The following MLLT11 variants were observed in gnomAD, a reference collection of about 807,000 sequenced individuals.
The protein encoded by MLLT11 is MLLT11 transcription factor 7 cofactor, also known as protein AF1q.
In MLLT11, 1 loss-of-function variant was observed where a neutral mutation model predicts 5.3. The observed-to-expected ratio is 0.19, with a 90% CI of 0.07 to 0.89. The LOEUF (loss-of-function observed/expected upper bound fraction) is 0.89, where lower values mean the gene tolerates loss of function less well. Among genes scored for constraint, MLLT11 ranks in the 40% least tolerant of loss-of-function variants. MLLT11 has a pLI of 0.67. For synonymous variants in MLLT11, 38 were observed against 41.7 expected (o/e 0.91, Z 0.34); for missense variants, 87 against 107.3 (o/e 0.81, Z 0.83).
In MLLT11 at chr1:151,067,801, T is replaced by C. The variant is rs1463825828; in HGVS notation, c.*304T>C. ...TGACTGGGGACACCTGAGAGTAGTA[T>C]AGTAGTGCAAAATGGAAGACTGATT... On this transcript the variant is annotated 3_prime_UTR_variant, in exon 2 of 2. Transcript: ENST00000368921. The C allele has an allele frequency of 3.4e-5, 13 of 386,544 alleles. No individual in the cohort carries two copies. Among genetic ancestry groups the C allele is most frequent in the Middle Eastern group, 7.2e-4 (1 of 1,388 alleles). 23.9% of individuals were successfully genotyped at this position (386,544 alleles called of 1,614,324 possible).
chr1:151,062,487 C>T (rs1481471787), intron 1 of MLLT11, among the ~76,000 whole-genome samples: 6 of 151,836 alleles, frequency 4.0e-5, no homozygotes, highest in African/African-American at 9.7e-5. Flanking sequence ...CTCAGCCTCC[C>T]GAGTAGCTGG....
At chr1:151,061,310 C>A (rs954004386) in intron 1 of MLLT11, among the ~76,000 whole-genome samples, 7 of 152,148 alleles carry the variant, frequency 4.6e-5, no homozygotes, top group African/African-American at 1.7e-4. Context: ...GTCCTTCCCC[C>A]TTCCCCATGG....
intron 1 of MLLT11, among the ~76,000 whole-genome samples, chr1:151,066,734 C>T (rs1028767157): frequency 2.3e-4 from 35 of 151,964 alleles, no homozygotes; most frequent in African/African-American, 6.5e-4. Context: ...ACCATCCTGG[C>T]TAACATGGTG....
intron 1 of MLLT11, among the ~76,000 whole-genome samples, chr1:151,062,465 C>T (rs587635419): frequency 2.0e-5 from 3 of 151,518 alleles, no homozygotes; most frequent in Non-Finnish European, 4.4e-5. Flanking sequence ...CCAGTTCAAG[C>T]GATTCTCCTG....
Position 151,067,235 on chromosome 1 carries a change from CTG to C in MLLT11, c.14_15del (p.Val5GlufsTer2), listed in dbSNP as rs1558112316. 2 of 1,613,804 alleles carry C rather than the reference CTG, an allele frequency of 1.2e-6. No homozygotes were observed. Among genetic ancestry groups the C allele is most frequent in the Non-Finnish European group, 1.7e-6 (2 of 1,179,824 alleles). On this transcript the variant is annotated frameshift_variant, in exon 2 of 2. Coordinates refer to ENST00000368921, the MANE Select transcript of MLLT11 (RefSeq NM_006818.4). LOFTEE classifies it high-confidence loss of function. ...TCTTTCTAGGAAGCTATGAGGGACC[CTG>C]TGAGTAGCCAGTACAGTTCCTTTCT...
At chr1:151,065,704 C>T (rs1166717189) in intron 1 of MLLT11, among the ~76,000 whole-genome samples, 4 of 152,172 alleles carry the variant, frequency 2.6e-5, no homozygotes, top group African/African-American at 9.7e-5. Context: ...GCAGAAAAGT[C>T]ACGGAAGGTC....
Position 151,067,931 on chromosome 1 carries a change from G to C in MLLT11, c.*434G>C, listed in dbSNP as rs940234265. ...TCTTCAAGGGGTGATGAAAACCTCG[G>C]AAGTTTTAATTTGAGGTTATCTGCT... On this transcript the variant is annotated 3_prime_UTR_variant, in exon 2 of 2. Coordinates refer to ENST00000368921, the MANE Select transcript of MLLT11 (RefSeq NM_006818.4). The C allele has an allele frequency of 7.9e-6, 2 of 251,988 alleles. No homozygotes were observed. The highest frequency in any genetic ancestry group is 4.4e-5 in the African/African-American group (2 of 45,352). 15.6% of individuals were successfully genotyped at this position (251,988 alleles called of 1,614,324 possible).
chr1:151,062,344 T>C (rs1676417505), intron 1 of MLLT11, among the ~76,000 whole-genome samples: 1 of 148,888 alleles, frequency 6.7e-6, no homozygotes. Context: ...AATTCTATGA[T>C]TTTTTCCCCC....
At chr1:151,064,691 CCT>C (rs1321645111) in intron 1 of MLLT11, among the ~76,000 whole-genome samples, 1 of 152,162 alleles carries the variant, frequency 6.6e-6, no homozygotes, top group African/African-American at 2.4e-5. Flanking sequence ...TTGTCCTCCC[CCT>C]TTCCCCATGG....
chr1:151,061,321 T>C (rs1182615644), intron 1 of MLLT11, among the ~76,000 whole-genome samples: 1 of 152,274 alleles, frequency 6.6e-6, no homozygotes, highest in Admixed American at 6.5e-5. Context: ...TTCCCCATGG[T>C]GGCAGCATGA....
intron 1 of MLLT11, among the ~76,000 whole-genome samples, chr1:151,065,925 T>G (rs1434741923): frequency 1.3e-5 from 2 of 152,178 alleles, no homozygotes; most frequent in Non-Finnish European, 2.9e-5. Context: ...CACTGGAACC[T>G]CTGCTTCCTA....
chr1:151,065,371 A>G (rs1013506737), intron 1 of MLLT11, among the ~76,000 whole-genome samples: 7 of 152,204 alleles, frequency 4.6e-5, no homozygotes, highest in African/African-American at 1.7e-4. Context: ...CTCAGGGACT[A>G]TTTGAGCAGT....
chr1:151,067,069 T>G, intron 1 of MLLT11, 150 bp from the exon 2 acceptor site: 7 of 607,612 alleles, frequency 1.2e-5, no homozygotes, highest in South Asian at 2.6e-5. Context: ...ACTGGTGGGA[T>G]TGGAGGATAT....
At chr1:151,067,094 T>G in intron 1 of MLLT11, 125 bp from the exon 2 acceptor site, 1 of 840,770 alleles carries the variant, frequency 1.2e-6, no homozygotes, top group Non-Finnish European at 1.8e-6. Flanking sequence ...TTTTCTTTCT[T>G]TAATAGAAAA....
rs1208695786 is a variant in MLLT11 at position 151,067,776 on chromosome 1, T to C, written c.*279T>C. ...AAATATTAACTCCAGAAACTAGGCCTGACTGGGGACACCTGAGAGTAGTAT... is the reference window on the plus strand; with the variant it reads ...AAATATTAACTCCAGAAACTAGGCCCGACTGGGGACACCTGAGAGTAGTAT... On this transcript the variant is annotated 3_prime_UTR_variant, in exon 2 of 2. Coordinates refer to ENST00000368921, the MANE Select transcript of MLLT11 (RefSeq NM_006818.4). 2 of 492,430 alleles carry C rather than the reference T, an allele frequency of 4.1e-6. No homozygotes were observed. The highest frequency in any genetic ancestry group is 7.5e-6 in the Non-Finnish European group (2 of 265,444). The allele number at this position is 492,430 out of a possible 1,614,324, so 30.5% of individuals were successfully genotyped here.
At chr1:151,064,340 A>G (rs2140709) in intron 1 of MLLT11, among the ~76,000 whole-genome samples, 119,540 of 152,108 alleles carry the variant, frequency 0.79, 47,163 homozygotes, top group East Asian at 0.91. Context: ...TTTAGCACCT[A>G]GGTTTTGTTC....
In MLLT11 at chr1:151,062,842, G is replaced by A. The variant is rs6656436; in HGVS notation, c.-7+2289G>A. ...TATTGACTCCTAGGTATGCTTCTTA[G>A]AATCTCTATAGTCCCAGATTTAAGC... On this transcript the variant is annotated intron_variant, in intron 1 of 1. Transcript: ENST00000368921. Among the ~76,000 whole-genome samples, 61 of 152,274 alleles carry A rather than the reference G, an allele frequency of 4.0e-4. 1 individual carries two copies. The highest frequency in any genetic ancestry group is 1.5e-3 in the African/African-American group (61 of 41,546).
intron 1 of MLLT11, among the ~76,000 whole-genome samples, chr1:151,065,064 G>A (rs950404674): frequency 3.1e-3 from 476 of 152,196 alleles, no homozygotes; most frequent in African/African-American, 0.011. Flanking sequence ...CAAAAAAGGG[G>A]TCTTTTGCAA....
rs1023918559 is a variant in MLLT11, at chr1:151,069,410, G to C, written c.*1913G>C. Among the ~76,000 whole-genome samples, 4 of 152,162 alleles carry C rather than the reference G, an allele frequency of 2.6e-5. No individual in the cohort carries two copies. Among genetic ancestry groups the C allele is most frequent in the Non-Finnish European group, 5.9e-5 (4 of 68,040 alleles). On this transcript the variant is annotated 3_prime_UTR_variant, in exon 2 of 2. Transcript: ENST00000368921. ...ACGGTCCCAGTCTAACGAAGAATGG[G>C]GCCAGGAAGGATAAGTAGTGCGTCC... is the stretch of plus-strand genomic sequence containing the variant.
Sources: allele counts gnomAD v4.1 joint callset (sites outside exome capture counted in the v4.1 genomes callset), GRCh38; gene constraint gnomAD v4.1.1; transcripts MANE v1.5; gene names NCBI Gene and HGNC (gene_info 2026-07-23, HGNC 2026-07-21).